ZNF320: variants seen among roughly 807,000 people sequenced by gnomAD.
ZNF320 encodes zinc finger protein 320.
ZNF320 carries 2 observed loss-of-function variants against 6.8 expected under a neutral mutation model. The observed-to-expected ratio is 0.29, with a 90% confidence interval of 0.12 to 0.93. The LOEUF (loss-of-function observed/expected upper bound fraction) is 0.93. Among genes scored for constraint, ZNF320 ranks in the 40% least tolerant of loss-of-function variants. The pLI is 0.55. For missense variants in ZNF320, 472 were observed against 611.0 expected, an observed-to-expected ratio of 0.77 and a Z score of 2.40; for synonymous variants, 208 against 203.2, an observed-to-expected ratio of 1.02 and a Z score of -0.20.
At chr19:52,874,667 C>T (rs571525005), downstream of ZNF320, among the ~76,000 whole-genome samples, 1 of 152,222 alleles carries the variant, frequency 6.6e-6, no homozygotes, top group South Asian at 2.1e-4. Flanking sequence ...ATCCAGTGAA[C>T]AGCGAAGGAG....
At chr19:52,874,248 G>A (rs1239057776), downstream of ZNF320, 1 of 178,910 alleles carries the variant, frequency 5.6e-6, no homozygotes, top group South Asian at 1.1e-4. Flanking sequence ...GGGTAATTTT[G>A]ACCCATTTTC....
At chr19:52,902,090 G>T (rs2147917294), upstream of ZNF320, among the ~76,000 whole-genome samples, 1 of 152,146 alleles carries the variant, frequency 6.6e-6, no homozygotes, top group East Asian at 1.9e-4. Context: ...CCTACTAAAG[G>T]TCTACTACAA....
chr19:52,897,686 C>G (rs746753721), upstream of ZNF320: 2 of 152,526 alleles, frequency 1.3e-5, no homozygotes, highest in African/African-American at 4.8e-5. Context: ...CATCCGCTTC[C>G]GGGTCTATGC....
At chr19:52,899,220 A>G (rs1340058931), upstream of ZNF320, among the ~76,000 whole-genome samples, 1 of 152,182 alleles carries the variant, frequency 6.6e-6, no homozygotes, top group African/African-American at 2.4e-5. Flanking sequence ...TATAACTCTT[A>G]TTATAAGAGT....
chr19:52,865,327 A>T, intron 5 of ZNF320: 1 of 297,342 alleles, frequency 3.4e-6, no homozygotes, highest in Non-Finnish European at 6.5e-6. Flanking sequence ...CATTTCAAAT[A>T]TATATATATG....
downstream of ZNF320, among the ~76,000 whole-genome samples, chr19:52,875,193 A>G (rs547788398): frequency 4.6e-5 from 7 of 152,330 alleles, no homozygotes; most frequent in African/African-American, 1.7e-4. Flanking sequence ...GCTTCCAGAA[A>G]TACACTGTCA....
At chr19:52,867,894 G>A (rs1442202004) in intron 5 of ZNF320, among the ~76,000 whole-genome samples, 1 of 152,120 alleles carries the variant, frequency 6.6e-6, no homozygotes, top group Non-Finnish European at 1.5e-5. Flanking sequence ...TTACAGGCTT[G>A]AGCCACCGCA....
chr19:52,891,638 C>G (rs533780551), intron 2 of ZNF320, among the ~76,000 whole-genome samples: 2 of 152,136 alleles, frequency 1.3e-5, no homozygotes, highest in South Asian at 4.1e-4. Context: ...GGGCAAGCTC[C>G]CAGGAGGAGG....
At position 52,890,331 on chromosome 19, in the gene ZNF320, A is replaced by G. The variant is rs12461426; in HGVS notation, c.-73-3T>C. ...CCAAGAGTCTTTAGAAGTCAATCCT[A>G]AATGTTAGAAATATGTTGTTTATCA... On this transcript the variant is annotated splice_polypyrimidine_tract_variant and splice_region_variant and intron_variant, in intron 3 of 5. Transcript: ENST00000682928. The G allele has an allele frequency of 0.17, 258,877 of 1,546,794 alleles. 23,167 individuals are homozygous for G. Among genetic ancestry groups the G allele is most frequent in the East Asian group, 0.3 (13,534 of 44,496 alleles).
Position 52,881,121 on chromosome 19 carries a change from G to C in ZNF320, c.1005C>G (p.Asp335Glu), listed in dbSNP as rs2147814185. Residue 335 changes from aspartate to glutamate, a missense_variant, in exon 6 of 6, where the codon GAC (aspartate) becomes GAG (glutamate). This residue lies in a region of ZNF320 where 462 missense variants were observed against 559.7 expected (regional missense o/e 0.83). Coordinates refer to ENST00000682928, the MANE Select transcript of ZNF320 (RefSeq NM_001351774.2). ...GEKPYRCEEC[D>E]KVFSRKSHLE... Reference sequence around the variant, plus strand: ...GATGTGATTTGCGACTGAAAACTTTGTCGCATTCTTCACATCTGTAAGGTT... The same window carrying C: ...GATGTGATTTGCGACTGAAAACTTTCTCGCATTCTTCACATCTGTAAGGTT... The C allele has an allele frequency of 6.2e-7, 1 of 1,613,816 alleles. No homozygotes were observed. The highest frequency in any genetic ancestry group is 8.5e-7 in the Non-Finnish European group (1 of 1,179,952).
rs2063806190 is a variant in ZNF320, at chr19:52,877,950, T to A, written c.*2646A>T. ...CAGAATTAAGTCATTTGACTTTTTT[T>A]AAATGAAAAGTCTCACATATTTATT... On this transcript the variant is annotated 3_prime_UTR_variant, in exon 6 of 6. Transcript: ENST00000682928. 1.3e-5 allele frequency: 2 copies of A among 152,192 alleles called. No individual in the cohort carries two copies. The highest frequency in any genetic ancestry group is 2.4e-5 in the African/African-American group (1 of 41,452). The allele number at this position is 152,192 out of a possible 1,614,324, so 9.4% of individuals were successfully genotyped here.
Position 52,880,079 on chromosome 19 carries a change from T to C in ZNF320, c.*517A>G, listed in dbSNP as rs531036326. On this transcript the variant is annotated 3_prime_UTR_variant, in exon 6 of 6. Transcript: ENST00000682928. ...GAAACAAAAAACAGGCCAGGTGTGG[T>C]GGCTCACGCCTGTAATCTCAGCACT... is the stretch of plus-strand genomic sequence containing the variant. 6.6e-6 allele frequency: 1 copy of C among 152,380 alleles called. No homozygotes were observed. The highest frequency in any genetic ancestry group is 1.9e-4 in the East Asian group (1 of 5,172). The allele number at this position is 152,380 out of a possible 1,614,324, so 9.4% of individuals were successfully genotyped here. A position where few individuals can be genotyped will look rare whatever the true frequency, so the allele number is the denominator to read the frequency against.
intron 5 of ZNF320, among the ~76,000 whole-genome samples, chr19:52,866,055 TATAC>T (rs1324824464): frequency 8.4e-6 from 1 of 118,358 alleles, no homozygotes; most frequent in Non-Finnish European, 1.7e-5. Flanking sequence ...TATATATGAT[TATAC>T]ATATATTTAT....
At chr19:52,871,871 T>C (rs564075838), downstream of ZNF320, among the ~76,000 whole-genome samples, 1 of 152,264 alleles carries the variant, frequency 6.6e-6, no homozygotes, top group African/African-American at 2.4e-5. Context: ...ACCAGAGGGA[T>C]TTAAATTAAT....
rs191946205 is a variant in ZNF320, at chr19:52,864,814, C to T, written c.224-655G>A. 2.3e-3 allele frequency among the ~76,000 whole-genome samples: 350 copies of T among 150,106 alleles called. 2 individuals carry two copies. Among genetic ancestry groups the T allele is most frequent in the African/African-American group, 8.1e-3 (329 of 40,602 alleles). ...AGATCATGATGTCAGGAGATCGAGA[C>T]CATCCTGGCTAACACAGTGAAATCC... is the stretch of plus-strand genomic sequence containing the variant. On this transcript the variant is annotated intron_variant, in intron 5 of 5. Coordinates refer to the ZNF320 transcript ENST00000673631.
intron 2 of ZNF320, among the ~76,000 whole-genome samples, chr19:52,892,675 A>G (rs1359099094): frequency 6.6e-6 from 1 of 151,718 alleles, no homozygotes; most frequent in Non-Finnish European, 1.5e-5. Context: ...ATCATCCTCA[A>G]TCTCTATAGA....
rs758983876 is a variant in ZNF320, at chr19:52,877,668, G to C, written c.*2928C>G. On this transcript the variant is annotated 3_prime_UTR_variant, in exon 6 of 6. Coordinates refer to ENST00000682928, the MANE Select transcript of ZNF320 (RefSeq NM_001351774.2). ...TTTAAAAAATCTTTGTAACTATCTT[G>C]TTTAGGAATAAAATGGAAGGCAGGT... 1 of 152,174 alleles carries C rather than the reference G, an allele frequency of 6.6e-6. No homozygotes were observed. The highest frequency in any genetic ancestry group is 1.5e-5 in the Non-Finnish European group (1 of 68,034). 9.4% of individuals were successfully genotyped at this position (152,174 alleles called of 1,614,324 possible).
chr19:52,892,779 C>T lies in ZNF320; in HGVS notation c.-192+1000G>A, dbSNP rs558814872. Among the ~76,000 whole-genome samples the T allele has an allele frequency of 5.7e-3, 858 of 151,622 alleles. 4 individuals carry two copies. Among genetic ancestry groups the T allele is most frequent in the Non-Finnish European group, 7.7e-3 (520 of 67,962 alleles). ...CCTCCCTGGCCCCACTCTCTGGCAC[C>T]CCAGATCCCCAGGTGTCCTCCCTGC... On this transcript the variant is annotated intron_variant, in intron 2 of 5. Transcript: ENST00000682928.
chr19:52,896,294 T>C (rs2064469857), intron 1 of ZNF320, among the ~76,000 whole-genome samples: 1 of 152,202 alleles, frequency 6.6e-6, no homozygotes, highest in South Asian at 2.1e-4. Context: ...TTTCGCCATG[T>C]TGACTAGGCT....
Sources: allele counts gnomAD v4.1 joint callset (sites outside exome capture counted in the v4.1 genomes callset), GRCh38; gene constraint gnomAD v4.1.1; regional missense constraint gnomAD v4.1.1; transcripts MANE v1.5; gene names NCBI Gene and HGNC (gene_info 2026-07-23, HGNC 2026-07-21).